HDAC4: variants seen among roughly 807,000 people sequenced by gnomAD.
HDAC4 encodes histone deacetylase 4.
HDAC4 carries 16 observed loss-of-function variants against 135.1 expected under a neutral mutation model. The ratio of observed to expected loss-of-function variants is 0.12; its 90% CI spans 0.08 to 0.18. The LOEUF (loss-of-function observed/expected upper bound fraction) is 0.18, where lower values mean the gene tolerates loss of function less well. Among genes scored for constraint, HDAC4 ranks in the 10% least tolerant of loss-of-function variants. HDAC4 has a pLI of 1.00. For synonymous variants in HDAC4, 685 were observed against 653.4 expected (o/e 1.05, Z -0.74); for missense variants, 1,143 against 1,511.8 (o/e 0.76, Z 4.05).
intron 12 of HDAC4, among the ~76,000 whole-genome samples, chr2:239,119,711 A>T (rs1461113952): frequency 6.6e-6 from 1 of 152,160 alleles, no homozygotes; most frequent in African/African-American, 2.4e-5. Flanking sequence ...TCAGGGCCTC[A>T]GAGGGCTCCT....
chr2:239,214,665 G>A (rs1246678067), intron 3 of HDAC4, among the ~76,000 whole-genome samples: 1 of 152,240 alleles, frequency 6.6e-6, no homozygotes, highest in Non-Finnish European at 1.5e-5. Flanking sequence ...GCCAGGCTCA[G>A]CACACGTGTT....
At chr2:239,107,293 C>A (rs892022559) in intron 15 of HDAC4, among the ~76,000 whole-genome samples, 2 of 152,246 alleles carry the variant, frequency 1.3e-5, no homozygotes, top group African/African-American at 4.8e-5. Context: ...TCCACTGCAG[C>A]CAGATTCGGG....
intron 22 of HDAC4, among the ~76,000 whole-genome samples, chr2:239,072,501 G>A (rs749745308): frequency 6.6e-6 from 1 of 152,176 alleles, no homozygotes; most frequent in African/African-American, 2.4e-5. Flanking sequence ...GCACACTTCT[G>A]TGTCCCCACG....
At chr2:239,202,222 A>G (rs949807425) in intron 3 of HDAC4, among the ~76,000 whole-genome samples, 2 of 152,234 alleles carry the variant, frequency 1.3e-5, no homozygotes, top group Admixed American at 1.3e-4. Context: ...GAAGCTCTGC[A>G]GTCTCCAGTA....
At chr2:239,246,599 C>T (rs1047251373) in intron 2 of HDAC4, among the ~76,000 whole-genome samples, 1 of 152,226 alleles carries the variant, frequency 6.6e-6, no homozygotes, top group Admixed American at 6.5e-5. Flanking sequence ...CAGGGCCCTG[C>T]TCTGTGCTCT....
intron 2 of HDAC4, among the ~76,000 whole-genome samples, chr2:239,276,729 G>A (rs367803185): frequency 5.3e-5 from 8 of 152,310 alleles, no homozygotes; most frequent in African/African-American, 1.9e-4. Context: ...GACACTGCTC[G>A]CTGCCCAGAC....
At chr2:239,387,596 GC>G (rs928533356) in intron 1 of HDAC4, among the ~76,000 whole-genome samples, 3 of 152,192 alleles carry the variant, frequency 2.0e-5, no homozygotes, top group Admixed American at 1.3e-4. Context: ...CCAGCCTTGT[GC>G]CCCAGCTGAC....
At chr2:239,201,254 G>C (rs544971565) in intron 3 of HDAC4, among the ~76,000 whole-genome samples, 1 of 151,958 alleles carries the variant, frequency 6.6e-6, no homozygotes, top group Non-Finnish European at 1.5e-5. Flanking sequence ...GGAGTGTTAT[G>C]GGGAGCTCAC....
intron 3 of HDAC4, among the ~76,000 whole-genome samples, chr2:239,203,225 C>T (rs532295838): frequency 6.6e-6 from 1 of 152,192 alleles, no homozygotes; most frequent in Non-Finnish European, 1.5e-5. Context: ...AGACTCCAAA[C>T]CCCCAGCAAG....
chr2:239,384,826 C>T (rs1366363243), intron 1 of HDAC4, among the ~76,000 whole-genome samples: 2 of 152,116 alleles, frequency 1.3e-5, no homozygotes, highest in Non-Finnish European at 2.9e-5. Flanking sequence ...TTTAACAATA[C>T]AACAGCTTAA....
chr2:239,335,904 A>G (rs1352847457), intron 2 of HDAC4, among the ~76,000 whole-genome samples: 2 of 152,376 alleles, frequency 1.3e-5, no homozygotes, highest in Middle Eastern at 3.4e-3. Flanking sequence ...AGAATTGCAT[A>G]CTTATATGAA....
intron 2 of HDAC4, among the ~76,000 whole-genome samples, chr2:239,345,038 C>T (rs1410671784): frequency 6.6e-6 from 1 of 152,174 alleles, no homozygotes; most frequent in Non-Finnish European, 1.5e-5. Flanking sequence ...TGCCAGCTGG[C>T]TGCACCTGCT....
chr2:239,331,831 G>A lies in HDAC4; in HGVS notation c.22+20847C>T, dbSNP rs995822718. The stretch of plus-strand genomic sequence containing the variant: ...CACTCGGCCCGCGTGTCCTCCAGAG[G>A]CTGAGGAGCGGAGCAGCACCGGACG... On this transcript the variant is annotated intron_variant, in intron 2 of 26. Coordinates refer to ENST00000543185, the MANE Select transcript of HDAC4 (RefSeq NM_001378414.1). This position sits in a 1 kb window ranked among gnomAD's most constrained non-coding sequence, Gnocchi z 4.5. 2.6e-5 allele frequency among the ~76,000 whole-genome samples: 4 copies of A among 152,174 alleles called. No individual in the cohort carries two copies. Among genetic ancestry groups the A allele is most frequent in the African/African-American group, 9.7e-5 (4 of 41,430 alleles).
At chr2:239,171,360 A>C (rs967086386) in intron 5 of HDAC4, among the ~76,000 whole-genome samples, 6 of 152,340 alleles carry the variant, frequency 3.9e-5, no homozygotes, top group South Asian at 2.1e-4. Context: ...TAAATGTAAA[A>C]TCCAATGGAT....
intron 2 of HDAC4, among the ~76,000 whole-genome samples, chr2:239,338,075 A>G (rs1692064032): frequency 6.6e-6 from 1 of 152,176 alleles, no homozygotes; most frequent in African/African-American, 2.4e-5. Context: ...CCCGCCCACC[A>G]GCCAGGTGCA....
chr2:239,183,337 G>C (rs542533561), intron 4 of HDAC4, among the ~76,000 whole-genome samples: 1 of 152,380 alleles, frequency 6.6e-6, no homozygotes, highest in South Asian at 2.1e-4. Flanking sequence ...ACTTTCTTGT[G>C]TCTCTTTTTC....
chr2:239,061,440 G>A (rs1434002824), intron 24 of HDAC4, among the ~76,000 whole-genome samples: 1 of 151,376 alleles, frequency 6.6e-6, no homozygotes, highest in Non-Finnish European at 1.5e-5. Flanking sequence ...CGTGTGACTG[G>A]TGCCTGTGTG....
chr2:239,342,713 T>C (rs1488087863), intron 2 of HDAC4, among the ~76,000 whole-genome samples: 3 of 152,166 alleles, frequency 2.0e-5, no homozygotes, highest in East Asian at 3.9e-4. Context: ...AAGGGGACAC[T>C]GGGCAGAGAT....
chr2:239,152,476 C>T (rs1205637527), intron 7 of HDAC4, among the ~76,000 whole-genome samples: 1 of 152,244 alleles, frequency 6.6e-6, no homozygotes, highest in Non-Finnish European at 1.5e-5. Context: ...TGGAGACACC[C>T]CTGCTGCCAA....
Sources: allele counts gnomAD v4.1 joint callset (sites outside exome capture counted in the v4.1 genomes callset), GRCh38; gene constraint gnomAD v4.1.1; non-coding constraint Gnocchi (gnomAD v3.1); transcripts MANE v1.5; gene names NCBI Gene and HGNC (gene_info 2026-07-23, HGNC 2026-07-21).